The following HMGB1 variants were observed in gnomAD, a reference collection of about 807,000 sequenced individuals.
The protein encoded by HMGB1 is high mobility group box 1, also known as high mobility group protein B1.
For missense variants in HMGB1, 79 were observed against 253.5 expected, an observed-to-expected ratio of 0.31 and a Z score of 4.67; for synonymous variants, 81 against 84.0, an observed-to-expected ratio of 0.96 and a Z score of 0.19.
chr13:30,532,683 G>A (rs1888522906), intron 1 of HMGB1, among the ~76,000 whole-genome samples: 1 of 151,898 alleles, frequency 6.6e-6, no homozygotes. Context: ...TAATTTTTAT[G>A]TTTTTAGTAG....
At chr13:30,524,753 G>T (rs1888326904) in intron 1 of HMGB1, among the ~76,000 whole-genome samples, 1 of 148,754 alleles carries the variant, frequency 6.7e-6, no homozygotes, top group African/African-American at 2.5e-5. Flanking sequence ...AACAGACTTG[G>T]CTAACTGAAA....
intron 1 of HMGB1, among the ~76,000 whole-genome samples, chr13:30,506,715 A>G (rs1445157825): frequency 6.6e-6 from 1 of 152,132 alleles, no homozygotes; most frequent in Non-Finnish European, 1.5e-5. Flanking sequence ...GCATTCTCAA[A>G]GCCTCACCTG....
At chr13:30,512,728 T>C (rs1039679950) in intron 1 of HMGB1, among the ~76,000 whole-genome samples, 3 of 152,190 alleles carry the variant, frequency 2.0e-5, no homozygotes, top group Non-Finnish European at 2.9e-5. Context: ...GTAAATCACA[T>C]GTCTGAGCCT....
rs150547949 is a variant in HMGB1 at position 30,525,856 on chromosome 13, T to TG, written c.-14-62163dup. 2.6e-3 allele frequency among the ~76,000 whole-genome samples: 395 copies of TG among 150,226 alleles called. 4 individuals are homozygous for TG. The highest frequency in any genetic ancestry group is 8.5e-3 in the African/African-American group (345 of 40,792). ...GGGATTACAATTCAAGATGAGATTG[T>TG]GGGGGGACACAAAGCCTAACCATAT... On this transcript the variant is annotated intron_variant, in intron 1 of 4. Coordinates refer to the HMGB1 transcript ENST00000405805.
intron 1 of HMGB1, among the ~76,000 whole-genome samples, chr13:30,610,440 G>A (rs761938785): frequency 6.6e-6 from 1 of 152,166 alleles, no homozygotes; most frequent in Non-Finnish European, 1.5e-5. Flanking sequence ...GAGGTGGAAG[G>A]GTGAGGGAAA....
intron 1 of HMGB1, among the ~76,000 whole-genome samples, chr13:30,577,251 G>C (rs1483729447): frequency 2.6e-5 from 4 of 151,550 alleles, no homozygotes; most frequent in Non-Finnish European, 5.9e-5. Context: ...GAGGCAGGAG[G>C]ATGGCTTGAG....
At chr13:30,494,244 T>A (rs1887561833) in intron 1 of HMGB1, among the ~76,000 whole-genome samples, 1 of 152,222 alleles carries the variant, frequency 6.6e-6, no homozygotes, top group Non-Finnish European at 1.5e-5. Flanking sequence ...TCACCTTTAC[T>A]CTACTTTCAT....
upstream of HMGB1, among the ~76,000 whole-genome samples, chr13:30,467,065 G>A (rs1886809248): frequency 1.3e-5 from 2 of 152,338 alleles, no homozygotes; most frequent in East Asian, 1.9e-4. Context: ...AAGCTGGCTG[G>A]TATTAATAGA....
At chr13:30,592,452 T>C (rs1423103059) in intron 1 of HMGB1, among the ~76,000 whole-genome samples, 1 of 152,200 alleles carries the variant, frequency 6.6e-6, no homozygotes, top group Non-Finnish European at 1.5e-5. Context: ...CCAATACCCA[T>C]TCCCCTATGT....
At chr13:30,594,612 C>A (rs149785673) in intron 1 of HMGB1, among the ~76,000 whole-genome samples, 1 of 152,234 alleles carries the variant, frequency 6.6e-6, no homozygotes, top group East Asian at 1.9e-4. Flanking sequence ...AACACATTTT[C>A]TTTATCCACT....
chr13:30,536,751 CG>C (rs1242322869), intron 1 of HMGB1, among the ~76,000 whole-genome samples: 2 of 152,136 alleles, frequency 1.3e-5, no homozygotes, highest in African/African-American at 2.4e-5. Flanking sequence ...TTTTGTTTTC[CG>C]GTAGCTAGTA....
At chr13:30,576,744 G>A (rs1566030036) in intron 1 of HMGB1, among the ~76,000 whole-genome samples, 2 of 151,682 alleles carry the variant, frequency 1.3e-5, no homozygotes, top group South Asian at 4.2e-4. Context: ...AACCTCAACC[G>A]AACTGCTGTT....
At chr13:30,497,102 G>A (rs527814052) in intron 1 of HMGB1, among the ~76,000 whole-genome samples, 6 of 151,736 alleles carry the variant, frequency 4.0e-5, no homozygotes, top group Non-Finnish European at 8.8e-5. Context: ...ATCTCTTTTC[G>A]CTGGCTCCTT....
chr13:30,525,266 G>A (rs1888336774), intron 1 of HMGB1, among the ~76,000 whole-genome samples: 1 of 152,202 alleles, frequency 6.6e-6, no homozygotes, highest in Admixed American at 6.5e-5. Context: ...AATGACAGGT[G>A]TAATTTTGTT....
intron 1 of HMGB1, among the ~76,000 whole-genome samples, chr13:30,604,525 T>C (rs1357733797): frequency 6.6e-6 from 1 of 152,120 alleles, no homozygotes; most frequent in Non-Finnish European, 1.5e-5. Flanking sequence ...AGACAGCCCT[T>C]CCCCCAACAT....
At chr13:30,517,428 G>A (rs997331460) in intron 1 of HMGB1, among the ~76,000 whole-genome samples, 1 of 152,156 alleles carries the variant, frequency 6.6e-6, no homozygotes, top group Non-Finnish European at 1.5e-5. Context: ...GTTTTGAGAC[G>A]GAGTCTCGCT....
chr13:30,520,434 A>G (rs1414580667), intron 1 of HMGB1, among the ~76,000 whole-genome samples: 1 of 152,108 alleles, frequency 6.6e-6, no homozygotes, highest in Non-Finnish European at 1.5e-5. Flanking sequence ...AGCCTGGCCA[A>G]CATGGTGAAA....
chr13:30,554,437 G>A (rs1460731549), intron 1 of HMGB1: 1 of 848,246 alleles, frequency 1.2e-6, no homozygotes, highest in South Asian at 1.3e-5. Context: ...AATACTGAAT[G>A]GGTCTTATTC....
chr13:30,607,981 G>A (rs1214897152), intron 1 of HMGB1, among the ~76,000 whole-genome samples: 3 of 152,146 alleles, frequency 2.0e-5, no homozygotes, highest in Admixed American at 2.0e-4. Context: ...TCACCTCTTG[G>A]TATTCATACC....
Sources: gnomAD v4.1 joint callset for allele counts (sites outside exome capture counted in the v4.1 genomes callset) on GRCh38, gnomAD v4.1.1 for gene constraint, MANE v1.5 for transcripts, NCBI Gene and HGNC (gene_info 2026-07-23, HGNC 2026-07-21) for gene names.